Variants in NKAIN3 observed in about 807,000 individuals in gnomAD.
NKAIN3 encodes sodium/potassium transporting ATPase interacting 3.
Under a neutral mutation model 30.2 loss-of-function variants are expected in NKAIN3, and 25 were observed. The ratio of observed to expected loss-of-function variants is 0.83; its 90% CI spans 0.60 to 1.16. The LOEUF (loss-of-function observed/expected upper bound fraction) is 1.16, where lower values mean the gene tolerates loss of function less well. Among genes scored for constraint, NKAIN3 ranks in the 50% most tolerant of loss-of-function variants. The pLI is 0.00. For synonymous variants in NKAIN3, 91 were observed against 89.6 expected, an observed-to-expected ratio of 1.02 and a Z score of -0.09; for missense variants, 225 against 254.1, an observed-to-expected ratio of 0.89 and a Z score of 0.78.
At chr8:62,532,635 T>C (rs887890801) in intron 1 of NKAIN3, among the ~76,000 whole-genome samples, 3 of 152,218 alleles carry the variant, frequency 2.0e-5, no homozygotes, top group Admixed American at 1.3e-4. Context: ...GAACACCGTA[T>C]TGAGCACATT....
At chr8:62,740,071 CCAAA>C (rs771056696) in intron 3 of NKAIN3, among the ~76,000 whole-genome samples, 1 of 152,086 alleles carries the variant, frequency 6.6e-6, no homozygotes, top group Non-Finnish European at 1.5e-5. Context: ...ATTACAAGCT[CCAAA>C]CACTTAAACC....
intron 1 of NKAIN3, among the ~76,000 whole-genome samples, chr8:62,254,628 ATT>A (rs11306305): frequency 3.7e-3 from 565 of 151,688 alleles, no homozygotes; most frequent in Non-Finnish European, 5.1e-3. Flanking sequence ...ATATCTTTTG[ATT>A]TTTTTTTCTG....
chr8:62,645,806 G>A (rs1245033348), intron 3 of NKAIN3, among the ~76,000 whole-genome samples: 1 of 152,084 alleles, frequency 6.6e-6, no homozygotes. Flanking sequence ...CAGATCATCT[G>A]AGATTCAAAC....
chr8:62,377,869 G>T (rs1817142589), intron 1 of NKAIN3, among the ~76,000 whole-genome samples: 1 of 152,074 alleles, frequency 6.6e-6, no homozygotes, highest in Admixed American at 6.6e-5. Flanking sequence ...ACCCTGTTTT[G>T]GGTATTGCTT....
intron 1 of NKAIN3, among the ~76,000 whole-genome samples, chr8:62,356,877 C>T (rs538751148): frequency 1.2e-3 from 177 of 152,018 alleles, no homozygotes; most frequent in African/African-American, 4.1e-3. Flanking sequence ...TTTGGGAGGC[C>T]GAGACAGGTG....
intron 3 of NKAIN3, among the ~76,000 whole-genome samples, chr8:62,602,820 T>C (rs542529777): frequency 3.9e-5 from 6 of 152,276 alleles, no homozygotes; most frequent in Non-Finnish European, 7.4e-5. Flanking sequence ...ATTCTTCCAC[T>C]AACTTCAATA....
intron 1 of NKAIN3, among the ~76,000 whole-genome samples, chr8:62,408,273 A>T (rs1005663372): frequency 6.6e-6 from 1 of 152,182 alleles, no homozygotes; most frequent in African/African-American, 2.4e-5. Context: ...CAACACTTTC[A>T]AAATATATTT....
chr8:62,903,932 A>G (rs1821691982), intron 4 of NKAIN3, among the ~76,000 whole-genome samples: 1 of 152,136 alleles, frequency 6.6e-6, no homozygotes, highest in Non-Finnish European at 1.5e-5. Context: ...CCCATGATTC[A>G]ATTATCTCTA....
intron 1 of NKAIN3, among the ~76,000 whole-genome samples, chr8:62,547,839 A>G (rs989646801): frequency 6.6e-6 from 1 of 152,230 alleles, no homozygotes; most frequent in African/African-American, 2.4e-5. Flanking sequence ...CCTCTAAGAC[A>G]GTGCTGCTCA....
chr8:62,520,172 C>G (rs1808112369), intron 1 of NKAIN3, among the ~76,000 whole-genome samples: 1 of 152,066 alleles, frequency 6.6e-6, no homozygotes, highest in Non-Finnish European at 1.5e-5. Context: ...AATCCTCTTC[C>G]TTGGGCTGCT....
intron 1 of NKAIN3, among the ~76,000 whole-genome samples, chr8:62,430,366 G>GGGGTGT (rs1554530280): frequency 7.2e-4 from 103 of 142,564 alleles, no homozygotes; most frequent in Non-Finnish European, 3.4e-4. Context: ...TATATATTGT[G>GGGGTGT]GTGTGTGTGT....
chr8:62,878,429 C>T (rs1398282815), intron 4 of NKAIN3, among the ~76,000 whole-genome samples: 1 of 152,100 alleles, frequency 6.6e-6, no homozygotes, highest in African/African-American at 2.4e-5. Flanking sequence ...ATCACTGAAG[C>T]ACCTCAACTC....
chr8:62,758,108 T>C (rs984683007), intron 4 of NKAIN3, among the ~76,000 whole-genome samples: 16 of 152,188 alleles, frequency 1.1e-4, no homozygotes, highest in Admixed American at 1.0e-3. Flanking sequence ...ACTGGCATCA[T>C]GTTATACCAC....
chr8:62,676,195 G>C (rs1038341524), intron 3 of NKAIN3, among the ~76,000 whole-genome samples: 3 of 152,220 alleles, frequency 2.0e-5, no homozygotes, highest in Non-Finnish European at 4.4e-5. Context: ...TAGTTAGCAA[G>C]TGGAAAGACA....
intron 6 of NKAIN3, among the ~76,000 whole-genome samples, chr8:62,962,257 TGAAA>T (rs1823589714): frequency 6.6e-6 from 1 of 152,244 alleles, no homozygotes; most frequent in Admixed American, 6.5e-5. Flanking sequence ...TGAATTCTTA[TGAAA>T]GATTTTTAAT....
intron 3 of NKAIN3, among the ~76,000 whole-genome samples, chr8:62,715,824 C>T (rs73683202): frequency 0.055 from 8,443 of 152,178 alleles, 750 homozygotes; most frequent in African/African-American, 0.19. Context: ...AGACCAACAG[C>T]TGGGACACTC....
chr8:62,482,263 G>A (rs1212343358), intron 1 of NKAIN3: 1 of 152,128 alleles, frequency 6.6e-6, no homozygotes, highest in Admixed American at 6.5e-5. Flanking sequence ...ACGTTTAAAG[G>A]ATAATACTGA....
chr8:62,640,125 T>C (rs892020376), intron 3 of NKAIN3, among the ~76,000 whole-genome samples: 4 of 152,262 alleles, frequency 2.6e-5, no homozygotes, highest in Middle Eastern at 3.4e-3. Context: ...GTTGTACTAA[T>C]TGGTATCTTC....
At chr8:62,986,461 T>A (rs1258080280), downstream of NKAIN3, among the ~76,000 whole-genome samples, 1 of 152,190 alleles carries the variant, frequency 6.6e-6, no homozygotes, top group Non-Finnish European at 1.5e-5. Flanking sequence ...AAACTCTGTG[T>A]CTCATTCACT....
Sources: gnomAD v4.1 joint callset for allele counts (sites outside exome capture counted in the v4.1 genomes callset) on GRCh38, gnomAD v4.1.1 for gene constraint, MANE v1.5 for transcripts, NCBI Gene and HGNC (gene_info 2026-07-23, HGNC 2026-07-21) for gene names.